STARD13: variants seen among roughly 807,000 people sequenced by gnomAD.
The protein encoded by STARD13 is stAR-related lipid transfer protein 13.
STARD13 carries 62 observed loss-of-function variants against 106.4 expected under a neutral mutation model. The ratio of observed to expected loss-of-function variants is 0.58; its 90% confidence interval spans 0.48 to 0.72. The LOEUF (loss-of-function observed/expected upper bound fraction) is 0.72. STARD13 is among the 30% of genes least tolerant of loss of function. The pLI is 0.00. For synonymous variants in STARD13, 565 were observed against 553.0 expected, an observed-to-expected ratio of 1.02 and a Z score of -0.31; for missense variants, 1,387 against 1,424.0, an observed-to-expected ratio of 0.97 and a Z score of 0.42.
At chr13:33,186,476 T>G (rs1421043829) in intron 1 of STARD13, among the ~76,000 whole-genome samples, 1 of 152,186 alleles carries the variant, frequency 6.6e-6, no homozygotes, top group Non-Finnish European at 1.5e-5. Context: ...AGACCATAAA[T>G]ACAGTTTTAA....
chr13:33,343,588 A>AAAAC (rs1555264013), intron 1 of STARD13, among the ~76,000 whole-genome samples: 1 of 97,284 alleles, frequency 1.0e-5, no homozygotes, highest in African/African-American at 4.5e-5. Context: ...AAAAAAAAAA[A>AAAAC]AAAAAAAAAC....
At chr13:33,493,897 G>A in the STARD13 span, among the ~76,000 whole-genome samples, 73 of 151,348 alleles carry the variant, frequency 4.8e-4, 1 homozygote, top group African/African-American at 1.7e-3. Context: ...ACACAGCTAT[G>A]AAAAAAATCC....
intron 1 of STARD13, among the ~76,000 whole-genome samples, chr13:33,278,208 C>G (rs558607344): frequency 6.6e-6 from 1 of 152,122 alleles, no homozygotes; most frequent in African/African-American, 2.4e-5. Flanking sequence ...CAAGATTTTC[C>G]TGAGCCTTTC....
chr13:33,614,109 G>A, the STARD13 span, among the ~76,000 whole-genome samples: 1 of 152,176 alleles, frequency 6.6e-6, no homozygotes, highest in Admixed American at 6.5e-5. Context: ...GCAGATTAAA[G>A]CAGAGCTGAT....
At chr13:33,269,983 C>T (rs1375753394) in intron 1 of STARD13, among the ~76,000 whole-genome samples, 2 of 152,160 alleles carry the variant, frequency 1.3e-5, no homozygotes, top group African/African-American at 2.4e-5. Flanking sequence ...CACCTGAAAT[C>T]CCCGCACTTT....
chr13:33,663,726 G>A, the STARD13 span, among the ~76,000 whole-genome samples: 62 of 152,172 alleles, frequency 4.1e-4, no homozygotes, highest in African/African-American at 1.5e-3. Flanking sequence ...GAAAAAAATA[G>A]ACACTGAGTG....
chr13:33,504,465 T>C, the STARD13 span, among the ~76,000 whole-genome samples: 14 of 151,932 alleles, frequency 9.2e-5, no homozygotes, highest in Admixed American at 9.2e-4. Context: ...GGGACACGGA[T>C]GAAACTGGAA....
intron 1 of STARD13, among the ~76,000 whole-genome samples, chr13:33,243,344 A>C (rs893179197): frequency 6.6e-6 from 1 of 152,142 alleles, no homozygotes; most frequent in African/African-American, 2.4e-5. Context: ...CAGAGTAAAG[A>C]CTTTCCTATA....
chr13:33,258,729 C>T (rs1328248054), intron 1 of STARD13, among the ~76,000 whole-genome samples: 1 of 152,198 alleles, frequency 6.6e-6, no homozygotes, highest in African/African-American at 2.4e-5. Flanking sequence ...GGGATCAGTG[C>T]AATGGAATTC....
chr13:33,662,866 C>G, the STARD13 span, among the ~76,000 whole-genome samples: 1 of 152,110 alleles, frequency 6.6e-6, no homozygotes, highest in Non-Finnish European at 1.5e-5. Context: ...CTAATGAATA[C>G]GCTCTCCCTA....
chr13:33,497,690 G>C, the STARD13 span, among the ~76,000 whole-genome samples: 1,686 of 152,188 alleles, frequency 0.011, 30 homozygotes, highest in African/African-American at 0.039. Flanking sequence ...TTCCCTGTCT[G>C]TCTAGAGCTA....
At chr13:33,411,998 GAAGA>G in the STARD13 span, among the ~76,000 whole-genome samples, 3 of 152,140 alleles carry the variant, frequency 2.0e-5, no homozygotes, top group Admixed American at 1.3e-4. Flanking sequence ...AATAGTGAAA[GAAGA>G]AAGGAGGGAA....
chr13:33,138,121 C>T (rs1455356244), intron 4 of STARD13, among the ~76,000 whole-genome samples: 1 of 152,222 alleles, frequency 6.6e-6, no homozygotes, highest in Non-Finnish European at 1.5e-5. Context: ...GGAAGCTGCT[C>T]TTTCTCTCTT....
At chr13:33,437,551 G>A in the STARD13 span, among the ~76,000 whole-genome samples, 2 of 152,174 alleles carry the variant, frequency 1.3e-5, no homozygotes, top group African/African-American at 4.8e-5. Context: ...AGGAATGAGG[G>A]CAGTTGACTT....
At chr13:33,347,380 T>C (rs1223442747), downstream of STARD13, among the ~76,000 whole-genome samples, 1 of 152,138 alleles carries the variant, frequency 6.6e-6, no homozygotes, top group African/African-American at 2.4e-5. Context: ...GGATTACACA[T>C]GTGTGCCACC....
At chr13:33,291,556 T>G (rs1363985256) in intron 1 of STARD13, among the ~76,000 whole-genome samples, 1 of 152,202 alleles carries the variant, frequency 6.6e-6, no homozygotes, top group Non-Finnish European at 1.5e-5. Context: ...GGCTTTATTT[T>G]TTATAATCTA....
chr13:33,533,195 C>G, the STARD13 span, among the ~76,000 whole-genome samples: 7 of 152,120 alleles, frequency 4.6e-5, no homozygotes, highest in East Asian at 1.2e-3. Flanking sequence ...TCTTTTCCCC[C>G]AGTCCTTTCT....
At chr13:33,377,156 C>T in the STARD13 span, among the ~76,000 whole-genome samples, 1 of 152,222 alleles carries the variant, frequency 6.6e-6, no homozygotes, top group East Asian at 1.9e-4. Context: ...AGGCTTGGAA[C>T]AAAATTAAGC....
intron 1 of STARD13, among the ~76,000 whole-genome samples, chr13:33,210,007 G>T (rs191048386): frequency 6.6e-6 from 1 of 152,150 alleles, no homozygotes; most frequent in Non-Finnish European, 1.5e-5. Context: ...ACAGAGTCCA[G>T]TTCCAGCTTC....
Sources: gnomAD v4.1 joint callset for allele counts (sites outside exome capture counted in the v4.1 genomes callset) on GRCh38, gnomAD v4.1.1 for gene constraint, MANE v1.5 for transcripts, NCBI Gene and HGNC (gene_info 2026-07-23, HGNC 2026-07-21) for gene names.